Variants in SRPK2 observed in about 807,000 individuals in gnomAD.
SRPK2 encodes the protein SFRS protein kinase 2.
In SRPK2, 21 loss-of-function variants were observed where a neutral mutation model predicts 90.8. That is an observed-to-expected ratio of 0.23 (90% CI 0.16 to 0.33). The LOEUF (loss-of-function observed/expected upper bound fraction) is 0.33, where lower values mean the gene tolerates loss of function less well. SRPK2 is among the 10% of genes least tolerant of loss of function. SRPK2 has a pLI of 1.00. For missense variants in SRPK2, 620 were observed against 869.0 expected (o/e 0.71, Z 3.60); for synonymous variants, 288 against 311.1 (o/e 0.93, Z 0.78).
chr7:105,141,878 A>T lies in SRPK2; in HGVS notation c.1543+130T>A. ...AATCACATTACTTCTTCAGGAGTAT[A>T]AAAGTAATAAAACTGATCAGTACAC... On this transcript the variant is annotated intron_variant, in intron 11 of 15. Transcript: ENST00000393651. The T allele has an allele frequency of 3.0e-6, 3 of 1,001,064 alleles. 1 individual carries two copies. The South Asian group carries it at 6.3e-5, about 21-fold the overall frequency. 62.0% of individuals were successfully genotyped at this position (1,001,064 alleles called of 1,614,324 possible).
At chr7:105,262,196 C>G (rs1213802009) in intron 2 of SRPK2, among the ~76,000 whole-genome samples, 1 of 152,302 alleles carries the variant, frequency 6.6e-6, no homozygotes, top group East Asian at 1.9e-4. Flanking sequence ...ACTACTACAT[C>G]TAGACCAAAT....
chr7:105,166,966 AC>A (rs556421327), intron 6 of SRPK2, among the ~76,000 whole-genome samples: 88 of 152,186 alleles, frequency 5.8e-4, no homozygotes, highest in Non-Finnish European at 1.1e-3. Context: ...TTTTATCTTA[AC>A]CAATGCTCCA....
Position 105,142,212 on chromosome 7 carries a change from C to A in SRPK2, c.1339G>T (p.Gly447Cys), listed in dbSNP as rs930857603. The A allele has an allele frequency of 1.9e-6, 3 of 1,613,896 alleles. No homozygotes were observed. The highest frequency in any genetic ancestry group is 2.5e-6 in the Non-Finnish European group (3 of 1,179,880). ...TYSSSYEQFN[G>C]ELPNGRHKIP... ...TTATGTCGTCCATTTGGCAATTCAC[C>A]ATTGAATTGTTCATAGGAGCTGCTA... is the stretch of plus-strand genomic sequence containing the variant. Residue 447 changes from glycine (G) to cysteine (C), a missense_variant, in exon 11 of 16, where the codon GGT becomes TGT. Around this residue, in one of 8 missense-constraint regions of SRPK2, gnomAD observed 243 missense variants for 245.7 expected, o/e 0.99. Transcript: ENST00000393651.
At chr7:105,379,093 G>A (rs1249242652) in intron 2 of SRPK2, among the ~76,000 whole-genome samples, 1 of 151,812 alleles carries the variant, frequency 6.6e-6, no homozygotes. Context: ...GGAATTTGAG[G>A]TGGCAGTGAG....
At chr7:105,150,700 T>C (rs1011219138) in intron 7 of SRPK2, among the ~76,000 whole-genome samples, 1 of 152,208 alleles carries the variant, frequency 6.6e-6, no homozygotes, top group Admixed American at 6.5e-5. Flanking sequence ...TGTGGAGTTC[T>C]ATATCTGAAC....
chr7:105,337,302 G>A (rs538321118), intron 2 of SRPK2, among the ~76,000 whole-genome samples: 1 of 151,428 alleles, frequency 6.6e-6, no homozygotes, highest in Admixed American at 6.6e-5. Context: ...CAATGATAGT[G>A]AGGCTCATGA....
chr7:105,202,950 T>C (rs1163138922), intron 3 of SRPK2, among the ~76,000 whole-genome samples: 2 of 152,176 alleles, frequency 1.3e-5, no homozygotes, highest in African/African-American at 4.8e-5. Context: ...CCTGGTACAC[T>C]TTCTCCTCTC....
intron 2 of SRPK2, among the ~76,000 whole-genome samples, chr7:105,232,147 C>A (rs541790881): frequency 2.6e-5 from 4 of 152,322 alleles, no homozygotes; most frequent in Admixed American, 1.3e-4. Flanking sequence ...TGAGCCACCA[C>A]ACCCAGACTA....
chr7:105,143,118 C>A lies in SRPK2; in HGVS notation c.1026G>T (p.Glu342Asp). 1 of 1,614,182 alleles carries A rather than the reference C, an allele frequency of 6.2e-7. No individual in the cohort carries two copies. The highest frequency in any genetic ancestry group is 8.5e-7 in the Non-Finnish European group (1 of 1,180,022). Residue 342 changes from glutamate (E) to aspartate (D), a missense_variant, in exon 10 of 16, where the codon GAG (glutamate) becomes GAT (aspartate). Physicochemically the swap from Glu to Asp is conservative, Grantham distance 45 (BLOSUM62 2). Around this residue, in one of 8 missense-constraint regions of SRPK2, gnomAD observed 243 missense variants for 245.7 expected, o/e 0.99. Transcript: ENST00000393651. ...PEVKLKTTGL[E>D]EAAEAETAKD... ...TTGCAGTCTCTGCCTCAGCCGCCTC[C>A]TCTAATCCTGTTGTTTTTAGTTTCA...
intron 2 of SRPK2, among the ~76,000 whole-genome samples, chr7:105,326,062 T>C (rs2131611509): frequency 6.6e-6 from 1 of 152,374 alleles, no homozygotes; most frequent in South Asian, 2.1e-4. Context: ...GCCATCATCC[T>C]GGAAAACAAG....
At chr7:105,176,557 ATGTGTGTGTG>A (rs10691783) in intron 3 of SRPK2, among the ~76,000 whole-genome samples, 3 of 148,030 alleles carry the variant, frequency 2.0e-5, no homozygotes, top group African/African-American at 7.5e-5. Context: ...TTTTGCATAT[ATGTGTGTGTG>A]TGTGTGTGTG....
chr7:105,285,441 A>G (rs941256131), intron 2 of SRPK2, among the ~76,000 whole-genome samples: 4 of 152,198 alleles, frequency 2.6e-5, no homozygotes, highest in South Asian at 4.2e-4. Flanking sequence ...CAGCATTTTA[A>G]GCATGAAACA....
At chr7:105,389,219 C>CCGCCGCGGCCTCTCCCCTCCG (rs1563325072), upstream of SRPK2, 6 of 1,200,430 alleles carry the variant, frequency 5.0e-6, no homozygotes, top group Non-Finnish European at 6.3e-6. Flanking sequence ...CCCTCCCTCC[C>CCGCCGCGGCCTCTCCCCTCCG]CGCCGCGGCC....
At chr7:105,393,446 C>G (rs1822234742), upstream of SRPK2, among the ~76,000 whole-genome samples, 1 of 149,760 alleles carries the variant, frequency 6.7e-6, no homozygotes, top group East Asian at 2.0e-4. Context: ...TTTTATTTCT[C>G]CCTCTGGTTT....
At chr7:105,190,994 A>G (rs776324807) in intron 3 of SRPK2, among the ~76,000 whole-genome samples, 1 of 152,180 alleles carries the variant, frequency 6.6e-6, no homozygotes, top group African/African-American at 2.4e-5. Context: ...TATATGTTAC[A>G]CTATTTTTTT....
intron 3 of SRPK2, among the ~76,000 whole-genome samples, chr7:105,188,195 G>A (rs992562822): frequency 5.3e-5 from 8 of 152,180 alleles, no homozygotes; most frequent in Non-Finnish European, 1.2e-4. Context: ...AAAATACATG[G>A]TATAACAAGA....
chr7:105,396,197 G>A (rs1053990279), intron 1 of SRPK2, among the ~76,000 whole-genome samples: 1 of 151,998 alleles, frequency 6.6e-6, no homozygotes. Context: ...TTACAGGCAT[G>A]AGCCACCACG....
intron 2 of SRPK2, among the ~76,000 whole-genome samples, chr7:105,233,091 A>AGAAAGGAAGGAAGGAAGGAAGGAAG (rs1213029003): frequency 1.8e-4 from 17 of 91,902 alleles, no homozygotes; most frequent in Non-Finnish European, 2.3e-5. Flanking sequence ...AAGGAAGGAA[A>AGAAAGGAAGGAAGGAAGGAAGGAAG]GAAGGAAGGA....
At chr7:105,134,620 G>A (rs889158894) in intron 11 of SRPK2, among the ~76,000 whole-genome samples, 1 of 152,232 alleles carries the variant, frequency 6.6e-6, no homozygotes, top group Non-Finnish European at 1.5e-5. Flanking sequence ...CATACGAGCT[G>A]TGAAACCAGG....
Sources: allele counts gnomAD v4.1 joint callset (sites outside exome capture counted in the v4.1 genomes callset), GRCh38; gene constraint gnomAD v4.1.1; regional missense constraint gnomAD v4.1.1; transcripts MANE v1.5; gene names NCBI Gene and HGNC (gene_info 2026-07-23, HGNC 2026-07-21).